Variants in MDH2 observed in about 807,000 individuals in gnomAD.
MDH2 encodes malate dehydrogenase, mitochondrial.
Under a neutral mutation model 33.6 loss-of-function variants are expected in MDH2, and 25 were observed. The ratio of observed to expected loss-of-function variants is 0.74; its 90% CI spans 0.54 to 1.04. MDH2 has a LOEUF of 1.04. MDH2 is among the 50% of genes least tolerant of loss of function. The pLI, the probability that MDH2 is intolerant of heterozygous loss-of-function variation, is 0.00. For missense variants in MDH2, 432 were observed against 445.0 expected (o/e 0.97, Z 0.26); for synonymous variants, 193 against 188.7 (o/e 1.02, Z -0.19).
rs753562444 is a variant in MDH2 at position 76,066,719 on chromosome 7, T to G, written c.*309T>G. Reference sequence around the variant, plus strand: ...AACTGTTAGACTGAAGCGTGACGCTTTCATCAGTAGCTTCAAGAAAGTCTA... The same window carrying G: ...AACTGTTAGACTGAAGCGTGACGCTGTCATCAGTAGCTTCAAGAAAGTCTA... On this transcript the variant is annotated 3_prime_UTR_variant, in exon 9 of 9. Transcript: ENST00000315758. The G allele has an allele frequency of 4.5e-4, 94 of 209,130 alleles. No individual in the cohort carries two copies. Among genetic ancestry groups the G allele is most frequent in the Admixed American group, 1.8e-3 (31 of 17,222 alleles). The allele number at this position is 209,130 out of a possible 1,614,324, so 13.0% of individuals were successfully genotyped here.
Position 76,067,411 on chromosome 7 carries a change from T to G in MDH2, c.*1001T>G, listed in dbSNP as rs950594540. The G allele has an allele frequency of 1.1e-4, 17 of 152,240 alleles. No individual in the cohort carries two copies. Among genetic ancestry groups the G allele is most frequent in the Non-Finnish European group, 5.9e-5 (4 of 68,042 alleles). 9.4% of individuals were successfully genotyped at this position (152,240 alleles called of 1,614,324 possible). ...GCTAAAATGGAAATGGATTTTATCA[T>G]AAAGGATGACATCGTTTTCTTCTAC... On this transcript the variant is annotated 3_prime_UTR_variant, in exon 9 of 9. Transcript: ENST00000315758.
At position 76,060,600 on chromosome 7, in the gene MDH2, G is replaced by T. The variant is rs572840089; in HGVS notation, c.555+102G>T. On this transcript the variant is annotated intron_variant, in intron 5 of 8. Coordinates refer to ENST00000315758, the MANE Select transcript of MDH2 (RefSeq NM_005918.4). ...AGACATGAAGGCATGCCCAGGTCACGTGTCACTTTGGGGTTTTAAATGTTT... is the reference window on the plus strand; with the variant it reads ...AGACATGAAGGCATGCCCAGGTCACTTGTCACTTTGGGGTTTTAAATGTTT... 340 of 1,501,286 alleles carry T rather than the reference G, an allele frequency of 2.3e-4. 3 individuals are homozygous for T. The South Asian group carries it at 2.8e-3, about 12-fold the overall frequency. 93.0% of individuals were successfully genotyped at this position (1,501,286 alleles called of 1,614,324 possible).
At chr7:76,053,528 A>C (rs962228952) in intron 1 of MDH2, among the ~76,000 whole-genome samples, 1 of 152,186 alleles carries the variant, frequency 6.6e-6, no homozygotes, top group Non-Finnish European at 1.5e-5. Context: ...ATATGCTTCC[A>C]CAGTTTAATT....
At position 76,054,908 on chromosome 7, in the gene MDH2, T is replaced by G. The variant is rs1554585974; in HGVS notation, c.145T>G (p.Leu49Val). The change falls in exon 2 of 9, where the codon TTG (leucine) becomes GTG (valine). Residue 49 changes from leucine (L) to valine (V), a missense_variant. Leu to Val is a conservative substitution (Grantham distance 32). Transcript: ENST00000315758. ...PLSLLLKNSP[L>V]VSRLTLYDIA... ...TTCACTTCTCCTGAAGAACAGCCCC[T>G]TGGTGAGCCGCCTGACCCTCTATGA... 6.2e-7 allele frequency: 1 copy of G among 1,614,158 alleles called. No homozygotes were observed.
chr7:76,057,862 G>C, intron 3 of MDH2, 107 bp from the exon 4 acceptor site: 1 of 985,990 alleles, frequency 1.0e-6, no homozygotes, highest in Middle Eastern at 2.1e-4. Context: ...CTTGAAACGG[G>C]GACCTTGAGT....
chr7:76,064,719 C>T, intron 7 of MDH2, 83 bp from the exon 8 acceptor site: 2 of 1,446,182 alleles, frequency 1.4e-6, no homozygotes, highest in Non-Finnish European at 1.9e-6. Flanking sequence ...GGAAGGTGTG[C>T]AGGTGTCTTG....
intron 1 of MDH2, chr7:76,048,714 G>A (rs1797430795): frequency 1.6e-6 from 2 of 1,236,754 alleles, no homozygotes; most frequent in South Asian, 3.9e-5. Flanking sequence ...ACAGTCATTT[G>A]GCCAGAGGAT....
At position 76,054,853 on chromosome 7, in the gene MDH2, A is replaced by G. The variant is rs782236110; in HGVS notation, c.90A>G (p.Leu30=). Residue 30 remains leucine (L), a synonymous_variant, in exon 2 of 9, where the codon CTA becomes CTG. Coordinates refer to ENST00000315758, the MANE Select transcript of MDH2 (RefSeq NM_005918.4). ...AGAACAATGCTAAAGTAGCTGTGCT[A>G]GGGGCCTCTGGAGGCATCGGGCAGC... is the stretch of plus-strand genomic sequence containing the variant. ...SAQNNAKVAV[L]GASGGIGQPL... is the part of the protein sequence containing the mutation. The G allele has an allele frequency of 6.2e-7, 1 of 1,614,092 alleles. No individual in the cohort carries two copies. The highest frequency in any genetic ancestry group is 2.2e-5 in the East Asian group (1 of 44,874).
rs1554586308 is a variant in MDH2 at position 76,056,540 on chromosome 7, AG to A, written c.236-869del. On this transcript the variant is annotated intron_variant, in intron 2 of 8. Transcript: ENST00000315758. ...TCTTTTGGGCTGTATATTCGGGTTA[AG>A]AAGGCTCCTGCATTAAGGAAAAAGT... Among the ~76,000 whole-genome samples, 11 of 152,344 alleles carry A rather than the reference AG, an allele frequency of 7.2e-5. No homozygotes were observed. The East Asian group carries it at 2.1e-3, about 29-fold the overall frequency.
At position 76,064,346 on chromosome 7, in the gene MDH2, C is replaced by G. The variant is rs146302743; in HGVS notation, c.641C>G (p.Pro214Arg). 16 of 1,611,856 alleles carry G rather than the reference C, an allele frequency of 9.9e-6. No homozygotes were observed. The highest frequency in any genetic ancestry group is 1.2e-5 in the Non-Finnish European group (14 of 1,179,284). The change falls in exon 7 of 9, where the codon CCC (proline) becomes CGC (arginine). Residue 214 changes from proline (P) to arginine (R), a missense_variant. Coordinates refer to ENST00000315758, the MANE Select transcript of MDH2 (RefSeq NM_005918.4). ...CCATGGCTTGGCTTGCAGTGCACCC[C>G]CAAGGTGGACTTTCCCCAGGACCAG... is the stretch of plus-strand genomic sequence containing the variant. The part of the protein sequence containing the change: ...TIIPLISQCT[P>R]KVDFPQDQLT...
chr7:76,063,166 G>T (rs1352056934), intron 5 of MDH2, among the ~76,000 whole-genome samples: 6 of 152,194 alleles, frequency 3.9e-5, no homozygotes, highest in African/African-American at 1.4e-4. Context: ...AGTGGAGCCG[G>T]CTCTGGGAAA....
intron 1 of MDH2, among the ~76,000 whole-genome samples, chr7:76,054,242 ACC>A (rs1797704348): frequency 6.9e-6 from 1 of 145,526 alleles, no homozygotes; most frequent in South Asian, 2.2e-4. Context: ...AACCCCTTCC[ACC>A]TCTTGTTAGG....
At position 76,066,548 on chromosome 7, in the gene MDH2, G is replaced by T; in HGVS notation, c.*138G>T. The T allele has an allele frequency of 8.8e-7, 1 of 1,129,978 alleles. No individual in the cohort carries two copies. 70.0% of individuals were successfully genotyped at this position (1,129,978 alleles called of 1,614,324 possible). A position where few individuals can be genotyped will look rare whatever the true frequency, so the allele number is the denominator to read the frequency against. ...ACATCATCATGCCTTCCAAATTGTG[G>T]GTGGCTCTGTGGGCGCATCAATAAA... is the stretch of plus-strand genomic sequence containing the variant. On this transcript the variant is annotated 3_prime_UTR_variant, in exon 9 of 9. Coordinates refer to ENST00000315758, the MANE Select transcript of MDH2 (RefSeq NM_005918.4).
chr7:76,048,190 C>T lies in MDH2; in HGVS notation c.30C>T (p.Ser10=), dbSNP rs782755606. The T allele has an allele frequency of 3.3e-5, 50 of 1,536,004 alleles. No homozygotes were observed. The highest frequency in any genetic ancestry group is 8.3e-5 in the South Asian group (7 of 83,990). ...TCTCCGCCCTCGCCCGGCCTGCCAG[C>T]GCTGCTCTCCGCCGCAGCTTCAGCA... MLSALARPA[S]AALRRSFSTS... Residue 10 remains serine (S), a synonymous_variant, in exon 1 of 9, where the codon AGC becomes AGT. Transcript: ENST00000315758.
Position 76,063,587 on chromosome 7 carries a change from T to G in MDH2, c.628T>G (p.Ser210Ala), listed in dbSNP as rs377640653. Residue 210 changes from serine (S) to alanine (A), a missense_variant, in exon 6 of 9, where the codon TCT becomes GCT. By Grantham distance (99) the Ser-to-Ala change is moderately conservative (BLOSUM62 1). Transcript: ENST00000315758. The stretch of plus-strand genomic sequence containing the variant: ...TGGGAAGACCATCATCCCCCTGATC[T>G]CTCAGGTACACGCATATGACCCTGT... Reference protein sequence around the residue: ...HAGKTIIPLISQCTPKVDFPQ... With the variant: ...HAGKTIIPLIAQCTPKVDFPQ... 5.0e-5 allele frequency: 80 copies of G among 1,614,152 alleles called. No homozygotes were observed. In the African/African-American group the frequency reaches 9.1e-4, roughly 18 times the overall value.
chr7:76,061,948 G>A (rs1336889236), intron 5 of MDH2, among the ~76,000 whole-genome samples: 1 of 152,178 alleles, frequency 6.6e-6, no homozygotes, highest in African/African-American at 2.4e-5. Flanking sequence ...GATGCTCCAT[G>A]GCCACATATG....
chr7:76,048,106 A>G lies in MDH2; in HGVS notation c.-55A>G. Reference sequence around the variant, plus strand: ...GGGCAGTGTGGAGGTCGTTGGAGTCACTTCCCCGTCACCAGCTCCTGTGCC... The same window carrying G: ...GGGCAGTGTGGAGGTCGTTGGAGTCGCTTCCCCGTCACCAGCTCCTGTGCC... On this transcript the variant is annotated 5_prime_UTR_variant, in exon 1 of 9. Transcript: ENST00000315758. 6.5e-7 allele frequency: 1 copy of G among 1,536,382 alleles called. No homozygotes were observed. Among genetic ancestry groups the G allele is most frequent in the Non-Finnish European group, 8.7e-7 (1 of 1,146,634 alleles).
chr7:76,060,388 C>T lies in MDH2; in HGVS notation c.445C>T (p.Pro149Ser). The change falls in exon 5 of 9, where the codon CCC becomes TCC. Residue 149 changes from proline to serine, a missense_variant. Transcript: ENST00000315758. ...VIANPVNSTI[P>S]ITAEVFKKHG... ...GATGTCCTAGGTTAATTCCACCATC[C>T]CCATCACAGCAGAAGTTTTCAAGAA... The T allele has an allele frequency of 1.2e-6, 2 of 1,614,108 alleles. No individual in the cohort carries two copies. Among genetic ancestry groups the T allele is most frequent in the African/African-American group, 1.3e-5 (1 of 75,032 alleles).
intron 8 of MDH2, 61 bp downstream of exon 8, chr7:76,065,014 G>C: frequency 6.4e-7 from 1 of 1,559,044 alleles, no homozygotes; most frequent in Non-Finnish European, 8.7e-7. Flanking sequence ...CTTTGCTTAA[G>C]CCTCAGGAGC....
Sources: gnomAD v4.1 joint callset for allele counts (sites outside exome capture counted in the v4.1 genomes callset) on GRCh38, gnomAD v4.1.1 for gene constraint, MANE v1.5 for transcripts, NCBI Gene and HGNC (gene_info 2026-07-23, HGNC 2026-07-21) for gene names.